THEMIS: variants seen among roughly 807,000 people sequenced by gnomAD.
THEMIS encodes the protein thymocyte selection associated, also known as protein THEMIS.
In THEMIS, 37 loss-of-function variants were observed where a neutral mutation model predicts 52.6. The observed-to-expected ratio is 0.70, with a 90% CI of 0.54 to 0.93. THEMIS has a LOEUF of 0.93. Among genes scored for constraint, THEMIS ranks in the 40% least tolerant of loss-of-function variants. The probability of loss-of-function intolerance (pLI) is 0.00; values close to 1 mark genes in which losing one functional copy is unlikely to be tolerated. For synonymous variants in THEMIS, 292 were observed against 272.7 expected (o/e 1.07, Z -0.70); for missense variants, 808 against 763.1 (o/e 1.06, Z -0.69).
At chr6:127,751,268 T>C (rs1562234484) in intron 4 of THEMIS, among the ~76,000 whole-genome samples, 1 of 151,790 alleles carries the variant, frequency 6.6e-6, no homozygotes, top group Non-Finnish European at 1.5e-5. Context: ...GTGATCAAAC[T>C]TCGTTGTTAT....
intron 4 of THEMIS, among the ~76,000 whole-genome samples, chr6:127,806,735 A>G (rs1777722290): frequency 6.6e-6 from 1 of 152,240 alleles, no homozygotes; most frequent in Non-Finnish European, 1.5e-5. Context: ...AGAAGTATCA[A>G]CACAGTACAT....
chr6:127,806,969 A>G (rs1777732968), intron 4 of THEMIS, among the ~76,000 whole-genome samples: 1 of 152,172 alleles, frequency 6.6e-6, no homozygotes, highest in Non-Finnish European at 1.5e-5. Flanking sequence ...TTTATAGCCC[A>G]TGCCATTTAC....
At chr6:127,867,315 G>T (rs1483990334) in intron 1 of THEMIS, among the ~76,000 whole-genome samples, 2 of 151,968 alleles carry the variant, frequency 1.3e-5, no homozygotes, top group Admixed American at 1.3e-4. Context: ...TCCCCAAACA[G>T]TTGCTTAAAC....
chr6:127,823,105 A>G (rs1299671616), intron 3 of THEMIS, among the ~76,000 whole-genome samples: 2 of 152,198 alleles, frequency 1.3e-5, no homozygotes, highest in African/African-American at 4.8e-5. Flanking sequence ...AGGCATTAAT[A>G]GTTGGTAATG....
chr6:127,781,737 A>G (rs1776751461), intron 4 of THEMIS, among the ~76,000 whole-genome samples: 1 of 152,068 alleles, frequency 6.6e-6, no homozygotes, highest in Admixed American at 6.6e-5. Flanking sequence ...GCAGAACAGG[A>G]AAGATTGTTG....
At chr6:127,720,970 G>T (rs527206) in intron 4 of THEMIS, among the ~76,000 whole-genome samples, 70,729 of 151,680 alleles carry the variant, frequency 0.47, 17,780 homozygotes, top group Non-Finnish European at 0.58. Context: ...AATTTTGCAG[G>T]GCCCTCCTAC....
At chr6:127,872,665 A>G (rs1780193870) in intron 1 of THEMIS, among the ~76,000 whole-genome samples, 1 of 152,112 alleles carries the variant, frequency 6.6e-6, no homozygotes, top group Admixed American at 6.6e-5. Flanking sequence ...AAAAACAAAA[A>G]CTTTACAGAT....
chr6:127,750,704 T>C (rs1775611278), intron 4 of THEMIS, among the ~76,000 whole-genome samples: 1 of 151,720 alleles, frequency 6.6e-6, no homozygotes, highest in Non-Finnish European at 1.5e-5. Flanking sequence ...TTTGAGAACA[T>C]TAAAGTAGAA....
chr6:127,817,197 A>C (rs1256188029), intron 3 of THEMIS, among the ~76,000 whole-genome samples: 1 of 152,110 alleles, frequency 6.6e-6, no homozygotes, highest in East Asian at 1.9e-4. Context: ...CAATGTCTAG[A>C]ATGTCTAGAG....
chr6:127,812,992 G>A lies in THEMIS; in HGVS notation c.1649C>T (p.Ala550Val), dbSNP rs1777966374. 1 of 1,614,052 alleles carries A rather than the reference G, an allele frequency of 6.2e-7. No homozygotes were observed. Among genetic ancestry groups the A allele is most frequent in the Non-Finnish European group, 8.5e-7 (1 of 1,180,004 alleles). Residue 550 changes from alanine (A) to valine (V), a missense_variant, in exon 4 of 6, where the codon GCC (alanine) becomes GTC (valine). Ala to Val is a moderately conservative substitution (Grantham distance 64, BLOSUM62 0). Transcript: ENST00000368248. Reference protein sequence around the residue: ...YYMMRRYESSASHPPPRPPKH... With the variant: ...YYMMRRYESSVSHPPPRPPKH... The stretch of plus-strand genomic sequence containing the variant: ...CGGAGGGCGAGGTGGGGGATGTGAG[G>A]CTGAGCTTTCATATCTCCGCATCAT...
chr6:127,869,975 C>G (rs1389824939), intron 1 of THEMIS, among the ~76,000 whole-genome samples: 3 of 152,118 alleles, frequency 2.0e-5, no homozygotes. Flanking sequence ...ACAAGTCACT[C>G]CCCCATTTTT....
intron 4 of THEMIS, among the ~76,000 whole-genome samples, chr6:127,789,356 C>T (rs951572568): frequency 3.3e-5 from 5 of 152,116 alleles, no homozygotes; most frequent in African/African-American, 7.2e-5. Context: ...AGATCGATTA[C>T]AGGTTCTGAA....
chr6:127,730,806 A>AT (rs2114523159), intron 4 of THEMIS, among the ~76,000 whole-genome samples: 1 of 152,306 alleles, frequency 6.6e-6, no homozygotes, highest in South Asian at 2.1e-4. Flanking sequence ...TCTTTTAACT[A>AT]AAGGGCCAGC....
downstream of THEMIS, among the ~76,000 whole-genome samples, chr6:127,704,946 C>T (rs1245812911): frequency 1.3e-5 from 2 of 152,222 alleles, no homozygotes; most frequent in African/African-American, 4.8e-5. Flanking sequence ...TGCACTAGAG[C>T]CTCACTTAGG....
chr6:127,706,563 G>C (rs896958496), downstream of THEMIS, among the ~76,000 whole-genome samples: 38 of 152,118 alleles, frequency 2.5e-4, no homozygotes, highest in African/African-American at 8.0e-4. Flanking sequence ...AAACCAATAA[G>C]AAATCCTGCC....
chr6:127,889,355 G>A (rs1780736947), intron 1 of THEMIS, among the ~76,000 whole-genome samples: 1 of 152,034 alleles, frequency 6.6e-6, no homozygotes, highest in Non-Finnish European at 1.5e-5. Flanking sequence ...CCTCAGATTT[G>A]TTCTTTGGTT....
chr6:127,835,693 C>T (rs1032649644), intron 2 of THEMIS, among the ~76,000 whole-genome samples: 7 of 152,018 alleles, frequency 4.6e-5, no homozygotes, highest in African/African-American at 7.2e-5. Flanking sequence ...GGATCAAAAT[C>T]GAGATAACAA....
rs547082743 is a variant in THEMIS, at chr6:127,916,688, A to G, written c.-150+1740T>C. 5.3e-5 allele frequency among the ~76,000 whole-genome samples: 8 copies of G among 152,358 alleles called. No homozygotes were observed. The South Asian group carries it at 1.7e-3, about 32-fold the overall frequency. ...ACTGCTTGCTGTGCTGTTAGATTCT[A>G]AATCTCATACCTCCATATTCTGGCA... is the stretch of plus-strand genomic sequence containing the variant. On this transcript the variant is annotated intron_variant, in intron 1 of 6. Transcript: ENST00000368250.
chr6:127,707,484 G>A (rs1398716865), downstream of THEMIS, among the ~76,000 whole-genome samples: 2 of 152,150 alleles, frequency 1.3e-5, no homozygotes, highest in East Asian at 3.9e-4. Context: ...GCAAGGGCAG[G>A]AACAGGAAGA....
Sources: gnomAD v4.1 joint callset for allele counts (sites outside exome capture counted in the v4.1 genomes callset) on GRCh38, gnomAD v4.1.1 for gene constraint, MANE v1.5 for transcripts, NCBI Gene and HGNC (gene_info 2026-07-23, HGNC 2026-07-21) for gene names.